RALYL: variants seen among roughly 807,000 people sequenced by gnomAD.
RALYL encodes RNA-binding Raly-like protein.
A neutral mutation model predicts 35.1 loss-of-function variants in RALYL; 29 were observed. The ratio of observed to expected loss-of-function variants is 0.83; its 90% CI spans 0.61 to 1.13. The LOEUF (loss-of-function observed/expected upper bound fraction) is 1.13, where lower values mean the gene tolerates loss of function less well. RALYL is among the 50% of genes most tolerant of loss of function. The pLI is 0.00. For synonymous variants in RALYL, 120 were observed against 127.6 expected (o/e 0.94, Z 0.40); for missense variants, 359 against 360.4 (o/e 1.00, Z 0.03).
chr8:84,581,038 A>G (rs1810705868), intron 2 of RALYL, among the ~76,000 whole-genome samples: 1 of 152,146 alleles, frequency 6.6e-6, no homozygotes, highest in Non-Finnish European at 1.5e-5. Flanking sequence ...TGGCCTCTCC[A>G]TGTAGTTTGA....
At chr8:84,567,570 A>C (rs1564158103) in intron 2 of RALYL, among the ~76,000 whole-genome samples, 1 of 151,756 alleles carries the variant, frequency 6.6e-6, no homozygotes, top group Non-Finnish European at 1.5e-5. Context: ...CTTGGTGTGT[A>C]TATATACCAC....
chr8:84,233,792 C>T (rs1281542270), intron 1 of RALYL, among the ~76,000 whole-genome samples: 1 of 152,140 alleles, frequency 6.6e-6, no homozygotes, highest in East Asian at 1.9e-4. Flanking sequence ...GGTCTTGTTT[C>T]CCTCTGTCTT....
chr8:84,735,223 C>A (rs1475520843), intron 2 of RALYL, among the ~76,000 whole-genome samples: 1 of 151,842 alleles, frequency 6.6e-6, no homozygotes, highest in Non-Finnish European at 1.5e-5. Context: ...ACTTATTCCT[C>A]CAGTACTGTT....
At chr8:84,439,349 GT>G (rs1393018740) in intron 1 of RALYL, among the ~76,000 whole-genome samples, 4 of 151,798 alleles carry the variant, frequency 2.6e-5, no homozygotes, top group African/African-American at 9.7e-5. Context: ...TTTCTGATGT[GT>G]TCTCCTTTCT....
chr8:84,529,248 A>G, intron 1 of RALYL, 51 bp from the exon 2 acceptor site: 1 of 1,534,988 alleles, frequency 6.5e-7, no homozygotes, highest in Non-Finnish European at 8.8e-7. Flanking sequence ...CATTCGATCT[A>G]ATGATTTACC....
intron 2 of RALYL, among the ~76,000 whole-genome samples, chr8:84,647,546 C>G (rs888979241): frequency 6.6e-6 from 1 of 152,012 alleles, no homozygotes; most frequent in Non-Finnish European, 1.5e-5. Flanking sequence ...TTAAGTTAAC[C>G]TATAATGAAA....
chr8:84,385,246 G>GA (rs1243653303), intron 1 of RALYL, among the ~76,000 whole-genome samples: 3 of 151,116 alleles, frequency 2.0e-5, no homozygotes, highest in East Asian at 2.0e-4. Flanking sequence ...ACTTGTTAAA[G>GA]AAAAAAAATG....
intron 1 of RALYL, among the ~76,000 whole-genome samples, chr8:84,467,061 C>T (rs1486454378): frequency 6.6e-6 from 1 of 152,118 alleles, no homozygotes; most frequent in Non-Finnish European, 1.5e-5. Context: ...TGCTAGCGGT[C>T]TATCAATTTT....
intron 1 of RALYL, among the ~76,000 whole-genome samples, chr8:84,456,002 G>A (rs2050092468): frequency 6.6e-6 from 1 of 151,866 alleles, no homozygotes; most frequent in Admixed American, 6.6e-5. Flanking sequence ...AGCCCATATT[G>A]TTTCTTTAGA....
chr8:84,607,571 A>G (rs1461904318), intron 2 of RALYL, among the ~76,000 whole-genome samples: 1 of 152,132 alleles, frequency 6.6e-6, no homozygotes, highest in East Asian at 1.9e-4. Context: ...AGAATCCCCA[A>G]TCAGTGTCTT....
chr8:84,842,557 C>T (rs1833666457), intron 4 of RALYL, among the ~76,000 whole-genome samples: 1 of 152,154 alleles, frequency 6.6e-6, no homozygotes, highest in Admixed American at 6.5e-5. Flanking sequence ...GAGCTAGTAC[C>T]ATTCCTTCTG....
At chr8:84,863,869 A>C (rs1232375298) in intron 6 of RALYL, among the ~76,000 whole-genome samples, 2 of 152,200 alleles carry the variant, frequency 1.3e-5, no homozygotes, top group Non-Finnish European at 2.9e-5. Context: ...GATAAATATG[A>C]ATTCCATTTT....
At chr8:84,862,224 T>C in intron 5 of RALYL, 72 bp from the exon 6 acceptor site, 2 of 1,274,878 alleles carry the variant, frequency 1.6e-6, no homozygotes, top group Non-Finnish European at 1.0e-6. Context: ...GACATTCTGT[T>C]CAACATTTCA....
intron 2 of RALYL, among the ~76,000 whole-genome samples, chr8:84,752,026 G>C (rs560230024): frequency 3.2e-4 from 48 of 152,324 alleles, no homozygotes; most frequent in African/African-American, 1.1e-3. Context: ...CTCAACAGAA[G>C]ACAGGAAGAT....
intron 2 of RALYL, among the ~76,000 whole-genome samples, chr8:84,552,043 C>T (rs1287148711): frequency 6.7e-6 from 1 of 150,238 alleles, no homozygotes; most frequent in African/African-American, 2.4e-5. Flanking sequence ...GAGTTCAGTA[C>T]ATTTTGATAA....
chr8:84,265,899 C>T (rs1020569899), intron 1 of RALYL, among the ~76,000 whole-genome samples: 2 of 152,132 alleles, frequency 1.3e-5, no homozygotes, highest in African/African-American at 4.8e-5. Flanking sequence ...ATATTCATCC[C>T]TTTCTTTCCT....
At chr8:84,327,259 G>C (rs1386690681) in intron 1 of RALYL, among the ~76,000 whole-genome samples, 1 of 151,976 alleles carries the variant, frequency 6.6e-6, no homozygotes, top group Non-Finnish European at 1.5e-5. Flanking sequence ...AGTTTAATTA[G>C]GAATTTTTCA....
chr8:84,218,759 C>T (rs1821455796), intron 1 of RALYL, among the ~76,000 whole-genome samples: 1 of 152,012 alleles, frequency 6.6e-6, no homozygotes, highest in South Asian at 2.1e-4. Context: ...GTACCTACCA[C>T]AGGATTTCCA....
intron 6 of RALYL, among the ~76,000 whole-genome samples, chr8:84,870,475 T>G (rs1475585395): frequency 6.6e-6 from 1 of 151,842 alleles, no homozygotes; most frequent in African/African-American, 2.4e-5. Context: ...TGTATAATTT[T>G]TGACAAGTTT....
Sources: allele counts gnomAD v4.1 joint callset (sites outside exome capture counted in the v4.1 genomes callset), GRCh38; gene constraint gnomAD v4.1.1; transcripts MANE v1.5; gene names NCBI Gene and HGNC (gene_info 2026-07-23, HGNC 2026-07-21).